The following TNS4 variants were observed in gnomAD, a reference collection of about 807,000 sequenced individuals.
TNS4 encodes tensin 4.
TNS4 carries 46 observed loss-of-function variants against 70.4 expected under a neutral mutation model. The observed-to-expected ratio is 0.65, with a 90% CI of 0.52 to 0.84. TNS4 has a LOEUF of 0.84. Ranked by LOEUF, TNS4 falls within the 40% of genes least tolerant of loss-of-function variation. The pLI is 0.00. For missense variants in TNS4, 863 were observed against 907.0 expected, an observed-to-expected ratio of 0.95 and a Z score of 0.62; for synonymous variants, 390 against 366.6, an observed-to-expected ratio of 1.06 and a Z score of -0.73.
chr17:40,485,471 A>G (rs1161043819), intron 4 of TNS4, among the ~76,000 whole-genome samples: 1 of 152,244 alleles, frequency 6.6e-6, no homozygotes, highest in Non-Finnish European at 1.5e-5. Context: ...GGAAAATAGC[A>G]GATCTGGGCA....
chr17:40,496,232 C>T lies in TNS4; in HGVS notation c.194G>A (p.Arg65Gln), dbSNP rs201425429. The change falls in exon 2 of 13, where the codon CGA (arginine) becomes CAA (glutamine). Residue 65 changes from arginine to glutamine, a missense_variant. Transcript: ENST00000254051. The part of the protein sequence containing the change: ...APVPCMGPPG[R>Q]LQQAPQVEAK... The stretch of plus-strand genomic sequence containing the variant: ...CTCCACCTGTGGGGCTTGCTGGAGT[C>T]GGCCAGGGGGCCCCATGCAGGGCAC... 1.3e-4 allele frequency: 207 copies of T among 1,594,286 alleles called. No homozygotes were observed. Among genetic ancestry groups the T allele is most frequent in the Non-Finnish European group, 1.6e-4 (192 of 1,170,966 alleles).
Position 40,488,311 on chromosome 17 carries a change from C to T in TNS4, c.863+235G>A, listed in dbSNP as rs192665494. Among the ~76,000 whole-genome samples the T allele has an allele frequency of 5.0e-3, 763 of 152,264 alleles. 8 individuals are homozygous for T. Among genetic ancestry groups the T allele is most frequent in the African/African-American group, 0.017 (724 of 41,548 alleles). On this transcript the variant is annotated intron_variant, in intron 3 of 12. Coordinates refer to ENST00000254051, the MANE Select transcript of TNS4 (RefSeq NM_032865.6). ...ATATAGATGAGCCTCATTAAGGCAACGGCTCTTTTACCAAAAGGTAGCTAT... is the reference window on the plus strand; with the variant it reads ...ATATAGATGAGCCTCATTAAGGCAATGGCTCTTTTACCAAAAGGTAGCTAT...
Position 40,477,732 on chromosome 17 carries a change from G to A in TNS4, c.2007-3C>T, listed in dbSNP as rs1317509865. The A allele has an allele frequency of 3.2e-5, 51 of 1,613,608 alleles. No individual in the cohort carries two copies. The highest frequency in any genetic ancestry group is 4.2e-5 in the Non-Finnish European group (50 of 1,179,956). ...TCTTGGCCACAAACCCAAAGATCCT[G>A]GTGGGGGAGGGCAGTCTGAGTGAGG... is the stretch of plus-strand genomic sequence containing the variant. On this transcript the variant is annotated splice_region_variant and splice_polypyrimidine_tract_variant and intron_variant, in intron 12 of 12. Transcript: ENST00000254051.
intron 6 of TNS4, among the ~76,000 whole-genome samples, 169 bp from the exon 7 acceptor site, chr17:40,482,585 G>GACAAAGAC (rs1555591377): frequency 6.9e-6 from 1 of 144,998 alleles, no homozygotes; most frequent in Non-Finnish European, 1.5e-5. Context: ...CTCTACTAAA[G>GACAAAGAC]ACACACACAC....
At chr17:40,483,844 C>G (rs73310914) in intron 6 of TNS4, among the ~76,000 whole-genome samples, 4,622 of 152,246 alleles carry the variant, frequency 0.03, 239 homozygotes, top group African/African-American at 0.1. Flanking sequence ...TTATCTCATC[C>G]GTTAAATAAG....
intron 4 of TNS4, 85 bp from the exon 5 acceptor site, chr17:40,485,092 C>T (rs2035974292): frequency 1.7e-5 from 20 of 1,193,382 alleles, no homozygotes; most frequent in East Asian, 2.3e-5. Flanking sequence ...GGAGACCCTT[C>T]CCTACTCTAT....
chr17:40,488,430 TG>T, intron 3 of TNS4, 115 bp downstream of exon 3: 1 of 958,612 alleles, frequency 1.0e-6, no homozygotes, highest in Non-Finnish European at 1.5e-6. Context: ...CTTCTGGTTT[TG>T]GTGCATGCCC....
At chr17:40,500,945 T>A (rs1156377080) in intron 1 of TNS4, among the ~76,000 whole-genome samples, 1 of 152,106 alleles carries the variant, frequency 6.6e-6, no homozygotes, top group Non-Finnish European at 1.5e-5. Context: ...GAGGCCTGGG[T>A]TCTGTGTCCA....
In TNS4 at chr17:40,477,325, C is replaced by G; in HGVS notation, c.*263G>C. Reference sequence around the variant, plus strand: ...CTTCAGAATCATGGAGGAGCATGTTCAAATGCCCACCAGCATCTAAGAACA... The same window carrying G: ...CTTCAGAATCATGGAGGAGCATGTTGAAATGCCCACCAGCATCTAAGAACA... On this transcript the variant is annotated 3_prime_UTR_variant, in exon 13 of 13. Transcript: ENST00000254051. The G allele has an allele frequency of 2.2e-6, 1 of 448,402 alleles. No homozygotes were observed. Among genetic ancestry groups the G allele is most frequent in the Non-Finnish European group, 4.0e-6 (1 of 249,908 alleles). 27.8% of individuals were successfully genotyped at this position (448,402 alleles called of 1,614,324 possible).
chr17:40,484,451 A>T (rs756438188), intron 6 of TNS4, 33 bp downstream of exon 6: 3 of 1,601,822 alleles, frequency 1.9e-6, no homozygotes, highest in Admixed American at 1.7e-5. Flanking sequence ...TGCCTCAGTG[A>T]GGCCTTGAGT....
At chr17:40,491,575 C>G (rs925862015) in intron 2 of TNS4, among the ~76,000 whole-genome samples, 11 of 152,154 alleles carry the variant, frequency 7.2e-5, no homozygotes, top group Admixed American at 5.9e-4. Context: ...GGGAGGGTCT[C>G]TTGGCACAGT....
intron 8 of TNS4, 68 bp downstream of exon 8, chr17:40,482,060 GA>G: frequency 6.4e-7 from 1 of 1,553,882 alleles, no homozygotes; most frequent in Non-Finnish European, 8.8e-7. Context: ...AGGTAGGAGT[GA>G]ACCCCATTTC....
intron 6 of TNS4, 26 bp downstream of exon 6, chr17:40,484,458 G>C: frequency 6.2e-7 from 1 of 1,605,932 alleles, no homozygotes; most frequent in South Asian, 1.1e-5. Flanking sequence ...GTGAGGCCTT[G>C]AGTGAGCACA....
Position 40,480,750 on chromosome 17 carries a change from C to T in TNS4, c.1691G>A (p.Gly564Glu), listed in dbSNP as rs367828618. ...TGGGCTGTCTGTAGAGTCCGAGGCC[C>T]CATCTGCACCTCCCAGTTCTGAGCC... ...IPQRELGGAD[G>E]ASDSTDSPAS... The change falls in exon 9 of 13, where the codon GGG (glycine) becomes GAG (glutamate). Residue 564 changes from glycine to glutamate, a missense_variant. Gly to Glu is a moderately conservative substitution (Grantham distance 98). Transcript: ENST00000254051. 2.5e-6 allele frequency: 4 copies of T among 1,600,210 alleles called. No individual in the cohort carries two copies. The highest frequency in any genetic ancestry group is 1.7e-4 in the Middle Eastern group (1 of 6,020).
chr17:40,486,189 A>T (rs1230615079), intron 4 of TNS4, among the ~76,000 whole-genome samples: 1 of 151,454 alleles, frequency 6.6e-6, no homozygotes, highest in African/African-American at 2.4e-5. Flanking sequence ...GTGATCTCAG[A>T]CTCCGGGAAG....
chr17:40,477,659 C>T lies in TNS4; in HGVS notation c.2077G>A (p.Asp693Asn). 6.2e-7 allele frequency: 1 copy of T among 1,614,136 alleles called. No individual in the cohort carries two copies. The highest frequency in any genetic ancestry group is 1.7e-5 in the Admixed American group (1 of 60,020). The change falls in exon 13 of 13, where the codon GAC (aspartate) becomes AAC (asparagine). Residue 693 changes from aspartate to asparagine, a missense_variant. By Grantham distance (23) the Asp-to-Asn change is conservative (BLOSUM62 1). Coordinates refer to ENST00000254051, the MANE Select transcript of TNS4 (RefSeq NM_032865.6). ...ACCTGCGAGGCTGGCTGGACCATGT[C>T]ATACTCCGCAAAGAGGTGGCATACG... ...ENVCHLFAEY[D>N]MVQPASQVIG...
intron 5 of TNS4, 41 bp from the exon 6 acceptor site, chr17:40,484,650 T>A: frequency 6.2e-7 from 1 of 1,607,280 alleles, no homozygotes. Context: ...CCGCCCCACC[T>A]GGACACCCTG....
In TNS4 at chr17:40,476,369, C is replaced by CGTGTGTGTGTGTGT. The variant is rs530846988; in HGVS notation, c.*1205_*1218dup. 8.8e-4 allele frequency: 82 copies of CGTGTGTGTGTGTGT among 92,906 alleles called. No homozygotes were observed. Among genetic ancestry groups the CGTGTGTGTGTGTGT allele is most frequent in the Admixed American group, 8.0e-3 (62 of 7,746 alleles). The allele number at this position is 92,906 out of a possible 1,614,324, so 5.8% of individuals were successfully genotyped here. A position where few individuals can be genotyped will look rare whatever the true frequency, so the allele number is the denominator to read the frequency against. On this transcript the variant is annotated 3_prime_UTR_variant, in exon 13 of 13. Transcript: ENST00000254051. Reference sequence around the variant, plus strand: ...TTGAAGCCACATAGCAGTAGAGGGGCGTGTGTGTGTGTGTGTGTGTGTGTG... The same window carrying CGTGTGTGTGTGTGT: ...TTGAAGCCACATAGCAGTAGAGGGGCGTGTGTGTGTGTGTGTGTGTGTGTGTGTGTGTGTGTGTG...
intron 6 of TNS4, among the ~76,000 whole-genome samples, chr17:40,483,411 A>G (rs1185592711): frequency 6.6e-6 from 1 of 152,058 alleles, no homozygotes; most frequent in East Asian, 1.9e-4. Flanking sequence ...ATATTGCTCA[A>G]GCTGGTCTCA....
Sources: allele counts gnomAD v4.1 joint callset (sites outside exome capture counted in the v4.1 genomes callset), GRCh38; gene constraint gnomAD v4.1.1; transcripts MANE v1.5; gene names NCBI Gene and HGNC (gene_info 2026-07-23, HGNC 2026-07-21).